DPP6: variants seen among roughly 807,000 people sequenced by gnomAD.
DPP6 encodes the protein dipeptidyl peptidase like 6, also known as A-type potassium channel modulatory protein DPP6.
A neutral mutation model predicts 122.6 loss-of-function variants in DPP6; 69 were observed. That is an observed-to-expected ratio of 0.56 (90% CI 0.46 to 0.69). The LOEUF is 0.69. Ranked by LOEUF, DPP6 falls within the 30% of genes least tolerant of loss-of-function variation. The probability of loss-of-function intolerance (pLI) is 0.00; values close to 1 mark genes in which losing one functional copy is unlikely to be tolerated. For missense variants in DPP6, 928 were observed against 1,116.9 expected (o/e 0.83, Z 2.41); for synonymous variants, 418 against 433.1 (o/e 0.97, Z 0.43).
chr7:153,920,717 T>C (rs1159755003), intron 1 of DPP6, among the ~76,000 whole-genome samples: 1 of 151,842 alleles, frequency 6.6e-6, no homozygotes, highest in African/African-American at 2.4e-5. Flanking sequence ...TGTGCCACCA[T>C]GCCTGGCTAA....
At chr7:154,766,709 G>C (rs1795921942) in intron 8 of DPP6, among the ~76,000 whole-genome samples, 2 of 152,228 alleles carry the variant, frequency 1.3e-5, no homozygotes, top group African/African-American at 4.8e-5. Context: ...TTGCTGATAA[G>C]ATCGATGGAA....
intron 16 of DPP6, among the ~76,000 whole-genome samples, chr7:154,822,813 G>A (rs1051843120): frequency 2.6e-5 from 4 of 152,094 alleles, no homozygotes; most frequent in African/African-American, 7.2e-5. Context: ...TCTCTTGCAC[G>A]TTTCACTCCT....
intron 1 of DPP6, among the ~76,000 whole-genome samples, chr7:154,233,839 T>C (rs1801047167): frequency 6.6e-6 from 1 of 152,182 alleles, no homozygotes; most frequent in South Asian, 2.1e-4. Flanking sequence ...ACAAATACTT[T>C]AGAAAAAGTA....
At chr7:153,993,038 A>C (rs558542367) in intron 1 of DPP6, among the ~76,000 whole-genome samples, 1 of 152,230 alleles carries the variant, frequency 6.6e-6, no homozygotes, top group South Asian at 2.1e-4. Context: ...ATTCACACAC[A>C]TGCATCCAAA....
chr7:154,146,825 C>CA (rs1454811888), intron 1 of DPP6, among the ~76,000 whole-genome samples: 1 of 147,532 alleles, frequency 6.8e-6, no homozygotes, highest in Non-Finnish European at 1.5e-5. Flanking sequence ...GGCTGCCAGG[C>CA]AGGGCCCTGC....
At chr7:154,616,778 C>T (rs1338241129) in intron 5 of DPP6, among the ~76,000 whole-genome samples, 1 of 152,152 alleles carries the variant, frequency 6.6e-6, no homozygotes, top group Non-Finnish European at 1.5e-5. Flanking sequence ...GCATTCGCCT[C>T]CAGGGAACCA....
intron 2 of DPP6, among the ~76,000 whole-genome samples, chr7:154,464,155 C>A (rs770652683): frequency 1.3e-5 from 2 of 152,200 alleles, no homozygotes; most frequent in South Asian, 2.1e-4. Context: ...ATGCAGTTCC[C>A]GAATGGCTAG....
In DPP6 at chr7:154,425,161, G is replaced by A. The variant is rs537621239; in HGVS notation, c.244-21053G>A. 1.5e-4 allele frequency among the ~76,000 whole-genome samples: 23 copies of A among 152,216 alleles called. 1 individual carries two copies. The highest frequency in any genetic ancestry group is 3.9e-4 in the Admixed American group (6 of 15,288). On this transcript the variant is annotated intron_variant, in intron 1 of 25. Coordinates refer to ENST00000377770, the MANE Select transcript of DPP6 (RefSeq NM_130797.4). ...CTCTCTGGAAAGGAGGTATTGAGTC[G>A]TCTTAGATTAACTCATGGTCTTCCT...
At position 153,964,913 on chromosome 7, in the gene DPP6, CCTTTCTTT is replaced by C. The variant is rs66803093; in HGVS notation, c.51+77200_51+77207del. 5.2e-3 allele frequency among the ~76,000 whole-genome samples: 594 copies of C among 113,388 alleles called. 47 individuals carry two copies. Among genetic ancestry groups the C allele is most frequent in the African/African-American group, 0.022 (453 of 20,662 alleles). The allele number at this position is 113,388 out of a possible 152,430, so 74.4% of individuals were successfully genotyped here. ...CCCTTTCTTTCCCTTCTTTTCTTTTCCTTTCTTTCTTTCTTTCTTTCTTTCTTTTTCTT... is the reference window on the plus strand; with the variant it reads ...CCCTTTCTTTCCCTTCTTTTCTTTTCCTTTCTTTCTTTCTTTCTTTTTCTT... On this transcript the variant is annotated intron_variant, in intron 1 of 25. Transcript: ENST00000404039.
chr7:154,184,528 C>G (rs907408093), intron 1 of DPP6, among the ~76,000 whole-genome samples: 60 of 152,096 alleles, frequency 3.9e-4, no homozygotes, highest in African/African-American at 1.4e-3. Context: ...CCACAGACGT[C>G]CTAGCAGCTG....
At chr7:153,765,987 C>A in the DPP6 span, among the ~76,000 whole-genome samples, 3 of 152,338 alleles carry the variant, frequency 2.0e-5, no homozygotes, top group South Asian at 4.1e-4. Context: ...CAAGATTCTG[C>A]ATTTCTTACA....
At chr7:154,678,836 A>G (rs1839100611) in intron 7 of DPP6, among the ~76,000 whole-genome samples, 1 of 152,212 alleles carries the variant, frequency 6.6e-6, no homozygotes, top group Admixed American at 6.5e-5. Flanking sequence ...CTGAGCTTCC[A>G]TCTCTTAGTC....
intron 4 of DPP6, among the ~76,000 whole-genome samples, chr7:154,564,522 A>G (rs1830618641): frequency 6.6e-6 from 1 of 152,208 alleles, no homozygotes; most frequent in Non-Finnish European, 1.5e-5. Flanking sequence ...TTTTTGAAAA[A>G]GAATTTGGCA....
At chr7:154,644,079 C>T (rs185477568) in intron 6 of DPP6, among the ~76,000 whole-genome samples, 158 of 152,248 alleles carry the variant, frequency 1.0e-3, no homozygotes, top group African/African-American at 3.6e-3. Context: ...GTGCAGACAA[C>T]TGAAATACTC....
chr7:154,430,376 C>T (rs1414508393), intron 1 of DPP6, among the ~76,000 whole-genome samples: 1 of 152,192 alleles, frequency 6.6e-6, no homozygotes, highest in Non-Finnish European at 1.5e-5. Flanking sequence ...CAATGTATTC[C>T]TTATGATTCT....
chr7:154,569,264 G>T (rs1340865215), intron 5 of DPP6, among the ~76,000 whole-genome samples: 1 of 151,986 alleles, frequency 6.6e-6, no homozygotes, highest in Non-Finnish European at 1.5e-5. Flanking sequence ...AATAGACCAG[G>T]ACTTCCTAAT....
intron 1 of DPP6, among the ~76,000 whole-genome samples, chr7:154,245,096 A>G (rs1329872319): frequency 6.6e-6 from 1 of 151,514 alleles, no homozygotes; most frequent in Non-Finnish European, 1.5e-5. Context: ...GCTTACAGGC[A>G]TGCACCACCA....
intron 1 of DPP6, among the ~76,000 whole-genome samples, chr7:154,337,910 A>G (rs1335558037): frequency 6.6e-6 from 1 of 152,136 alleles, no homozygotes; most frequent in Non-Finnish European, 1.5e-5. Flanking sequence ...CCAAGGCTGT[A>G]CCTTCTTGCG....
chr7:153,859,863 G>A, the DPP6 span, among the ~76,000 whole-genome samples: 73 of 152,206 alleles, frequency 4.8e-4, no homozygotes, highest in East Asian at 0.013. Flanking sequence ...CAGATCTCGT[G>A]AGAACTCACT....
Sources: gnomAD v4.1 joint callset for allele counts (sites outside exome capture counted in the v4.1 genomes callset) on GRCh38, gnomAD v4.1.1 for gene constraint, MANE v1.5 for transcripts, NCBI Gene and HGNC (gene_info 2026-07-23, HGNC 2026-07-21) for gene names.